SCARF2: variants seen among roughly 807,000 people sequenced by gnomAD.
SCARF2 encodes scavenger receptor expressed by endothelial cells 2 protein.
A neutral mutation model predicts 73.4 loss-of-function variants in SCARF2; 39 were observed. The observed-to-expected ratio is 0.53, with a 90% CI of 0.41 to 0.69. The LOEUF is 0.69. Among genes scored for constraint, SCARF2 ranks in the 30% least tolerant of loss-of-function variants. The pLI is 0.00. For missense variants in SCARF2, 1,148 were observed against 1,303.5 expected, an observed-to-expected ratio of 0.88 and a Z score of 1.84; for synonymous variants, 605 against 590.0, an observed-to-expected ratio of 1.03 and a Z score of -0.37.
rs201929223 is a variant in SCARF2, at chr22:20,426,187, C to T, written c.1789G>A (p.Glu597Lys). The T allele has an allele frequency of 4.6e-4, 691 of 1,511,804 alleles. 16 individuals are homozygous for T. The Admixed American group carries it at 0.014, about 30-fold the overall frequency. 93.6% of individuals were successfully genotyped at this position (1,511,804 alleles called of 1,614,324 possible). A position where few individuals can be genotyped will look rare whatever the true frequency, so the allele number is the denominator to read the frequency against. Residue 597 changes from glutamate to lysine, a missense_variant, in exon 11 of 11, where the codon GAG (glutamate) becomes AAG (lysine). Physicochemically the swap from Glu to Lys is moderately conservative, Grantham distance 56. Coordinates refer to ENST00000622235, the MANE Select transcript of SCARF2 (RefSeq NM_182895.5). The part of the protein sequence containing the change: ...PVPLTTPASA[E>K]EAIPLPASSD... ...GACGCGGGGAGGGGTATCGCCTCCTCGGCGGAGGCTGGCGTGGTCAAGGGC... is the reference window on the plus strand; with the variant it reads ...GACGCGGGGAGGGGTATCGCCTCCTTGGCGGAGGCTGGCGTGGTCAAGGGC...
intron 6 of SCARF2, 32 bp downstream of exon 6, chr22:20,430,397 C>T: frequency 6.3e-7 from 1 of 1,577,600 alleles, no homozygotes; most frequent in Non-Finnish European, 8.6e-7. Flanking sequence ...AGGTACAAGC[C>T]CCCAACCCCC....
chr22:20,430,038 C>G (rs917208051), intron 6 of SCARF2: 104 of 635,302 alleles, frequency 1.6e-4, no homozygotes, highest in Admixed American at 9.1e-4. Flanking sequence ...TGTTGCACAA[C>G]ACTAGTGGGG....
At chr22:20,427,936 C>G (rs1351848189) in intron 9 of SCARF2, among the ~76,000 whole-genome samples, 3 of 152,208 alleles carry the variant, frequency 2.0e-5, no homozygotes, top group African/African-American at 7.2e-5. Context: ...AATAAGGAAG[C>G]CTTGGAGCAC....
At chr22:20,426,340 C>T in intron 10 of SCARF2, 58 bp from the exon 11 acceptor site, 2 of 1,516,598 alleles carry the variant, frequency 1.3e-6, no homozygotes, top group South Asian at 1.2e-5. Flanking sequence ...GGGGCTCCAA[C>T]CTCCAGGCGC....
Position 20,431,070 on chromosome 22 carries a change from A to G in SCARF2, c.802T>C (p.Tyr268His). The change falls in exon 4 of 11, where the codon TAC (tyrosine) becomes CAC (histidine). Residue 268 changes from tyrosine (Y) to histidine (H), a missense_variant. Physicochemically the swap from Tyr to His is moderately conservative, Grantham distance 83 (BLOSUM62 2). Coordinates refer to ENST00000622235, the MANE Select transcript of SCARF2 (RefSeq NM_182895.5). ...CCGGCGGGGCACGGCTCGCGACAGT[A>G]CTTGCCGCGGTAGCCCGGCTCGCAG... ...CACEPGYRGKYCREPCPAGFY... is the reference protein window; with the variant it reads ...CACEPGYRGKHCREPCPAGFY... 1 of 1,552,990 alleles carries G rather than the reference A, an allele frequency of 6.4e-7. No individual in the cohort carries two copies. The highest frequency in any genetic ancestry group is 8.6e-7 in the Non-Finnish European group (1 of 1,156,830).
At chr22:20,430,611 G>A in intron 5 of SCARF2, 54 bp from the exon 6 acceptor site, 1 of 1,609,760 alleles carries the variant, frequency 6.2e-7, no homozygotes, top group Non-Finnish European at 8.5e-7. Context: ...GGACCACAGC[G>A]CCCTCGACAT....
chr22:20,427,524 G>A lies in SCARF2; in HGVS notation c.1567C>T (p.Leu523Phe). Reference protein sequence around the residue: ...VVAHHDLDNTLNCSFLEPPSG... With the variant: ...VVAHHDLDNTFNCSFLEPPSG... The stretch of plus-strand genomic sequence containing the variant: ...GGTGGCTCCAGGAAGCTGCAGTTGA[G>A]TGTGTTATCCAGGTCGTGGTGGGCC... Residue 523 changes from leucine to phenylalanine, a missense_variant, in exon 10 of 11, where the codon CTC becomes TTC. Physicochemically the swap from Leu to Phe is conservative, Grantham distance 22. Coordinates refer to ENST00000622235, the MANE Select transcript of SCARF2 (RefSeq NM_182895.5). The A allele has an allele frequency of 6.2e-7, 1 of 1,613,818 alleles. No homozygotes were observed. Among genetic ancestry groups the A allele is most frequent in the Non-Finnish European group, 8.5e-7 (1 of 1,180,026 alleles).
chr22:20,431,854 C>T lies in SCARF2; in HGVS notation c.233-8G>A, dbSNP rs762527453. Reference sequence around the variant, plus strand: ...AGTTGCCTTCGCACACCGCTGTGGACGAGACAGGCCAGAGCTGCTGCGCGT... The same window carrying T: ...AGTTGCCTTCGCACACCGCTGTGGATGAGACAGGCCAGAGCTGCTGCGCGT... On this transcript the variant is annotated splice_polypyrimidine_tract_variant and splice_region_variant and intron_variant, in intron 2 of 10. Transcript: ENST00000622235. 5 of 1,596,940 alleles carry T rather than the reference C, an allele frequency of 3.1e-6. No homozygotes were observed. The African/African-American group carries it at 5.4e-5, about 17-fold the overall frequency.
intron 1 of SCARF2, among the ~76,000 whole-genome samples, chr22:20,436,485 G>GC (rs2052700856): frequency 6.6e-6 from 1 of 151,872 alleles, no homozygotes; most frequent in South Asian, 2.1e-4. Flanking sequence ...GCCGGCCCCC[G>GC]CCCCGGAGGC....
In SCARF2 at chr22:20,425,968, C is replaced by G. The variant is rs751535844; in HGVS notation, c.2008G>C (p.Gly670Arg). Residue 670 changes from glycine to arginine, a missense_variant, in exon 11 of 11, where the codon GGC becomes CGC. This residue lies in a region of SCARF2 where 437 missense variants were observed against 433.6 expected (regional missense o/e 1.01). Transcript: ENST00000622235. This position sits in a 1 kb window ranked among gnomAD's most constrained non-coding sequence, Gnocchi z 4.6. ...ATKPKVSWIH[G>R]KHSAAAAGRA... ...CCAGCTGCAGCGGCGCTGTGCTTGC[C>G]GTGGATCCAGGACACCTTAGGCTTG... 6.3e-7 allele frequency: 1 copy of G among 1,594,476 alleles called. No homozygotes were observed. Among genetic ancestry groups the G allele is most frequent in the Non-Finnish European group, 8.5e-7 (1 of 1,174,938 alleles).
In SCARF2 at chr22:20,429,740, G is replaced by C. The variant is rs1466630697; in HGVS notation, c.1296C>G (p.Ala432=). The C allele has an allele frequency of 6.2e-7, 1 of 1,613,894 alleles. No homozygotes were observed. The highest frequency in any genetic ancestry group is 1.7e-5 in the Admixed American group (1 of 60,026). The part of the protein sequence containing the change: ...HEDTCDPVTG[A]CHLETNQRKG... ...CCCTCATCCACTTACCTAGGTGGCA[G>C]GCACCAGTGACCGGGTCGCACGTGT... Residue 432 remains alanine (A), a synonymous_variant, in exon 7 of 11, where the codon GCC becomes GCG. Coordinates refer to ENST00000622235, the MANE Select transcript of SCARF2 (RefSeq NM_182895.5). This position sits in a 1 kb window ranked among gnomAD's most constrained non-coding sequence, Gnocchi z 5.2.
intron 1 of SCARF2, among the ~76,000 whole-genome samples, chr22:20,435,865 T>G (rs967304225): frequency 1.3e-5 from 2 of 152,116 alleles, no homozygotes; most frequent in East Asian, 3.9e-4. Flanking sequence ...CCTGGCACAG[T>G]GTAGGTGCAT....
Position 20,431,485 on chromosome 22 carries a change from G to T in SCARF2, c.387C>A (p.His129Gln), listed in dbSNP as rs1217214299. Residue 129 changes from histidine (H) to glutamine (Q), a missense_variant, in exon 4 of 11, where the codon CAC becomes CAA. Physicochemically the swap from His to Gln is conservative, Grantham distance 24 (BLOSUM62 0). Coordinates refer to ENST00000622235, the MANE Select transcript of SCARF2 (RefSeq NM_182895.5). ...TCACGTCCTCGCACTGCCCGTGTGG[G>T]TGGCAGCTACACAGCTCCTTGCAGT... ...GPDCKELCSCHPHGQCEDVTG... is the reference protein window; with the variant it reads ...GPDCKELCSCQPHGQCEDVTG... The T allele has an allele frequency of 6.4e-7, 1 of 1,574,244 alleles. No individual in the cohort carries two copies. The highest frequency in any genetic ancestry group is 8.6e-7 in the Non-Finnish European group (1 of 1,168,744).
At chr22:20,427,680 G>T in intron 9 of SCARF2, 130 bp from the exon 10 acceptor site, 1 of 1,040,270 alleles carries the variant, frequency 9.6e-7, no homozygotes, top group Non-Finnish European at 1.4e-6. Context: ...AGGGGGCACA[G>T]GCAACTCAAC....
rs745943062 is a variant in SCARF2 at position 20,425,400 on chromosome 22, C to T, written c.2576G>A (p.Gly859Asp). The change falls in exon 11 of 11, where the codon GGC (glycine) becomes GAC (aspartate). Residue 859 changes from glycine to aspartate, a missense_variant. By Grantham distance (94) the Gly-to-Asp change is moderately conservative (BLOSUM62 -1). Coordinates refer to ENST00000622235, the MANE Select transcript of SCARF2 (RefSeq NM_182895.5). The surrounding 1 kb of genome is among the most constrained non-coding windows in gnomAD (Gnocchi z 4.6). ...KKSREAAGEL[G>D]RAGAPTL ...CTACAGGGTGGGTGCGCCCGCCCTG[C>T]CCAGCTCGCCCGCCGCCTCCCGGCT... 5.5e-5 allele frequency: 79 copies of T among 1,429,184 alleles called. 2 individuals carry two copies. In the South Asian group the frequency reaches 9.4e-4, roughly 17 times the overall value. The allele number at this position is 1,429,184 out of a possible 1,614,324, so 88.5% of individuals were successfully genotyped here.
intron 1 of SCARF2, among the ~76,000 whole-genome samples, chr22:20,437,369 C>G (rs1474943059): frequency 1.3e-5 from 2 of 152,246 alleles, no homozygotes; most frequent in Admixed American, 6.5e-5. Flanking sequence ...CCATCCTCCC[C>G]TCAGGTGACT....
rs991042070 is a variant in SCARF2 at position 20,425,350 on chromosome 22, C to T, written c.*25G>A. Reference sequence around the variant, plus strand: ...GGGCGGCGCTGCGAAGCTGAGGGAGCTGCGCGCGGACGAGCCACAGCCTGC... The same window carrying T: ...GGGCGGCGCTGCGAAGCTGAGGGAGTTGCGCGCGGACGAGCCACAGCCTGC... On this transcript the variant is annotated 3_prime_UTR_variant, in exon 11 of 11. Transcript: ENST00000622235. The surrounding 1 kb of genome is among the most constrained non-coding windows in gnomAD (Gnocchi z 4.6). 2.9e-6 allele frequency: 4 copies of T among 1,367,670 alleles called. No homozygotes were observed. Among genetic ancestry groups the T allele is most frequent in the African/African-American group, 3.0e-5 (2 of 66,696 alleles). 84.7% of individuals were successfully genotyped at this position (1,367,670 alleles called of 1,614,324 possible). A position where few individuals can be genotyped will look rare whatever the true frequency, so the allele number is the denominator to read the frequency against.
At position 20,425,397 on chromosome 22, in the gene SCARF2, C is replaced by T. The variant is rs367657189; in HGVS notation, c.2579G>A (p.Arg860Lys). ...CTGCTACAGGGTGGGTGCGCCCGCCCTGCCCAGCTCGCCCGCCGCCTCCCG... is the reference window on the plus strand; with the variant it reads ...CTGCTACAGGGTGGGTGCGCCCGCCTTGCCCAGCTCGCCCGCCGCCTCCCG... ...KSREAAGELG[R>K]AGAPTL The change falls in exon 11 of 11, where the codon AGG becomes AAG. Residue 860 changes from arginine to lysine, a missense_variant. Transcript: ENST00000622235. The surrounding 1 kb of genome is among the most constrained non-coding windows in gnomAD (Gnocchi z 4.6). 84 of 1,428,640 alleles carry T rather than the reference C, an allele frequency of 5.9e-5. 1 individual carries two copies. The African/African-American group carries it at 1.2e-3, about 20-fold the overall frequency. The allele number at this position is 1,428,640 out of a possible 1,614,324, so 88.5% of individuals were successfully genotyped here. A position where few individuals can be genotyped will look rare whatever the true frequency, so the allele number is the denominator to read the frequency against.
chr22:20,436,861 C>T (rs537487897), intron 1 of SCARF2, among the ~76,000 whole-genome samples: 45 of 152,340 alleles, frequency 3.0e-4, no homozygotes, highest in African/African-American at 9.6e-4. Flanking sequence ...ACTCGCCCCC[C>T]CACCGGCCGG....
Sources: gnomAD v4.1 joint callset for allele counts (sites outside exome capture counted in the v4.1 genomes callset) on GRCh38, gnomAD v4.1.1 for gene constraint, gnomAD v4.1.1 regional missense constraint, Gnocchi (gnomAD v3.1) non-coding constraint, MANE v1.5 for transcripts, NCBI Gene and HGNC (gene_info 2026-07-23, HGNC 2026-07-21) for gene names.